Variants in ZC3H3 observed in about 807,000 individuals in gnomAD.
ZC3H3 encodes the protein zinc finger CCCH domain-containing protein 3.
A neutral mutation model predicts 77.3 loss-of-function variants in ZC3H3; 36 were observed. The observed-to-expected ratio is 0.47, with a 90% confidence interval of 0.36 to 0.61. ZC3H3 has a LOEUF of 0.61. Among genes scored for constraint, ZC3H3 ranks in the 20% least tolerant of loss-of-function variants. The probability of loss-of-function intolerance (pLI) is 0.00; values close to 1 mark genes in which losing one functional copy is unlikely to be tolerated. For synonymous variants in ZC3H3, 626 were observed against 555.2 expected, an observed-to-expected ratio of 1.13 and a Z score of -1.79; for missense variants, 1,331 against 1,312.2, an observed-to-expected ratio of 1.01 and a Z score of -0.22.
intron 3 of ZC3H3, among the ~76,000 whole-genome samples, chr8:143,522,567 C>T (rs983694006): frequency 2.6e-5 from 4 of 151,884 alleles, no homozygotes; most frequent in Admixed American, 1.3e-4. Flanking sequence ...TGTGCCGCTG[C>T]ACACTCCAGC....
chr8:143,538,139 C>A lies in ZC3H3; in HGVS notation c.1228G>T (p.Val410Phe). The change falls in exon 2 of 12, where the codon GTC becomes TTC. Residue 410 changes from valine (V) to phenylalanine (F), a missense_variant. Transcript: ENST00000262577. ...SKDHASQLSP[V>F]LSRSPSGDRP... ...TCCCCCGACGGGGACCTAGACAGGA[C>A]TGGGGAGAGCTGGGAGGCATGGTCC... The A allele has an allele frequency of 6.2e-7, 1 of 1,613,090 alleles. No individual in the cohort carries two copies. Among genetic ancestry groups the A allele is most frequent in the Non-Finnish European group, 8.5e-7 (1 of 1,180,012 alleles).
chr8:143,438,144 C>A, intron 11 of ZC3H3, 57 bp from the exon 12 acceptor site: 1 of 1,575,432 alleles, frequency 6.3e-7, no homozygotes, highest in African/African-American at 1.3e-5. Context: ...ACCTCCCCAG[C>A]CTGCAAAGCT....
At chr8:143,439,799 C>T (rs1347374344) in intron 11 of ZC3H3, among the ~76,000 whole-genome samples, 1 of 152,236 alleles carries the variant, frequency 6.6e-6, no homozygotes, top group East Asian at 1.9e-4. Context: ...CTCCCCTGTG[C>T]CCGAGCCCGG....
chr8:143,453,919 T>C (rs1820049232), intron 9 of ZC3H3, among the ~76,000 whole-genome samples: 2 of 152,260 alleles, frequency 1.3e-5, no homozygotes, highest in East Asian at 1.9e-4. Context: ...GGATCAGTCA[T>C]GCAAATATAA....
intron 4 of ZC3H3, among the ~76,000 whole-genome samples, chr8:143,495,131 G>A (rs1340286404): frequency 6.6e-6 from 1 of 152,164 alleles, no homozygotes; most frequent in Middle Eastern, 3.2e-3. Flanking sequence ...GCTGCACAAG[G>A]ACTCAGCAGG....
At chr8:143,488,377 C>T (rs1821101829) in intron 4 of ZC3H3, among the ~76,000 whole-genome samples, 1 of 97,016 alleles carries the variant, frequency 1.0e-5, no homozygotes, top group Non-Finnish European at 2.0e-5. Flanking sequence ...CCCATCACCA[C>T]GAAGCTCACA....
chr8:143,478,736 C>G (rs1586906066), intron 4 of ZC3H3, among the ~76,000 whole-genome samples: 1 of 152,264 alleles, frequency 6.6e-6, no homozygotes, highest in Non-Finnish European at 1.5e-5. Flanking sequence ...TCTCGAACTC[C>G]TGACCTCAGG....
intron 4 of ZC3H3, among the ~76,000 whole-genome samples, chr8:143,500,920 CT>C (rs1276460860): frequency 6.7e-6 from 1 of 150,108 alleles, no homozygotes; most frequent in Non-Finnish European, 1.5e-5. Context: ...TCAAGCGGTT[CT>C]CCGGCCTCAG....
At chr8:143,499,442 G>A (rs1229267161) in intron 4 of ZC3H3, among the ~76,000 whole-genome samples, 1 of 152,114 alleles carries the variant, frequency 6.6e-6, no homozygotes, top group Non-Finnish European at 1.5e-5. Flanking sequence ...CCTCTGTCCT[G>A]AGTGGGCACC....
In ZC3H3 at chr8:143,523,594, C is replaced by T. The variant is rs1010536942; in HGVS notation, c.1561+12663G>A. On this transcript the variant is annotated intron_variant, in intron 3 of 11. Transcript: ENST00000262577. Reference sequence around the variant, plus strand: ...AGTAGGAGACCACAGCTCAGAATTCCAGGACATCCGTTTGAGGACCCCTGT... The same window carrying T: ...AGTAGGAGACCACAGCTCAGAATTCTAGGACATCCGTTTGAGGACCCCTGT... 6.3e-6 allele frequency: 6 copies of T among 958,918 alleles called. No individual in the cohort carries two copies. The African/African-American group carries it at 1.1e-4, about 17-fold the overall frequency. 59.4% of individuals were successfully genotyped at this position (958,918 alleles called of 1,614,324 possible). A position where few individuals can be genotyped will look rare whatever the true frequency, so the allele number is the denominator to read the frequency against.
chr8:143,511,765 T>G (rs925741849), intron 3 of ZC3H3, among the ~76,000 whole-genome samples: 1 of 152,140 alleles, frequency 6.6e-6, no homozygotes, highest in Non-Finnish European at 1.5e-5. Context: ...CCTCCAGAAA[T>G]AGCAGGCACG....
intron 3 of ZC3H3, among the ~76,000 whole-genome samples, chr8:143,518,140 C>T (rs1359653921): frequency 6.6e-6 from 1 of 152,204 alleles, no homozygotes; most frequent in Non-Finnish European, 1.5e-5. Flanking sequence ...GCAGGCAGCT[C>T]CAGGGCCAGG....
At chr8:143,503,869 C>T (rs1348593692) in intron 4 of ZC3H3, among the ~76,000 whole-genome samples, 1 of 152,200 alleles carries the variant, frequency 6.6e-6, no homozygotes, top group Non-Finnish European at 1.5e-5. Context: ...GGAGGAGAGG[C>T]CCCAGCCCCT....
intron 5 of ZC3H3, among the ~76,000 whole-genome samples, chr8:143,472,359 G>C (rs1216476970): frequency 6.6e-6 from 1 of 152,256 alleles, no homozygotes. Flanking sequence ...GACGTCAGGG[G>C]CTCTGCGCCC....
rs181766109 is a variant in ZC3H3 at position 143,507,771 on chromosome 8, G to A, written c.1690C>T (p.Arg564Trp). The A allele has an allele frequency of 6.5e-4, 1,029 of 1,591,712 alleles. 8 individuals carry two copies. The highest frequency in any genetic ancestry group is 2.9e-4 in the Non-Finnish European group (341 of 1,170,720). ...PPFPLSLPSW[R>W]ARRLSLSRSL... ...CTGGATAGTGAGAGCCGCCGGGCCC[G>A]CCAGGAGGGCAGAGACAGGGGGAAG... The change falls in exon 4 of 12, where the codon CGG becomes TGG. Residue 564 changes from arginine to tryptophan, a missense_variant. Physicochemically the swap from Arg to Trp is moderately radical, Grantham distance 101. Transcript: ENST00000262577.
chr8:143,537,943 T>C, intron 2 of ZC3H3, 60 bp downstream of exon 2: 3 of 1,468,202 alleles, frequency 2.0e-6, no homozygotes, highest in Non-Finnish European at 2.7e-6. Flanking sequence ...CCATTAGGGG[T>C]GCCAAACAAA....
chr8:143,497,950 A>G (rs1821400107), intron 4 of ZC3H3, among the ~76,000 whole-genome samples: 1 of 152,182 alleles, frequency 6.6e-6, no homozygotes, highest in Non-Finnish European at 1.5e-5. Flanking sequence ...CAGGCACCAC[A>G]GCACGAAGAG....
intron 4 of ZC3H3, among the ~76,000 whole-genome samples, chr8:143,507,535 T>C (rs1430119556): frequency 6.6e-6 from 1 of 152,278 alleles, no homozygotes; most frequent in Non-Finnish European, 1.5e-5. Context: ...TTCACGTGTA[T>C]GTGGTAAACA....
intron 4 of ZC3H3, 79 bp downstream of exon 4, chr8:143,507,667 A>G: frequency 7.2e-7 from 1 of 1,388,714 alleles, no homozygotes; most frequent in Non-Finnish European, 9.3e-7. Context: ...TGGCCCTTGG[A>G]TTCTACCCTG....
Sources: gnomAD v4.1 joint callset for allele counts (sites outside exome capture counted in the v4.1 genomes callset) on GRCh38, gnomAD v4.1.1 for gene constraint, MANE v1.5 for transcripts, NCBI Gene and HGNC (gene_info 2026-07-23, HGNC 2026-07-21) for gene names.